Variants in CSN1S1 observed in about 807,000 individuals in gnomAD.
CSN1S1 encodes the protein alpha-S1-casein.
A neutral mutation model predicts 49.1 loss-of-function variants in CSN1S1; 63 were observed. The observed-to-expected ratio is 1.28, with a 90% confidence interval of 1.05 to 1.58. The LOEUF (loss-of-function observed/expected upper bound fraction) is 1.58. Among genes scored for constraint, CSN1S1 ranks in the 40% most tolerant of loss-of-function variants. The pLI is 0.00. For missense variants in CSN1S1, 260 were observed against 224.7 expected (o/e 1.16, Z -1.01); for synonymous variants, 78 against 67.1 (o/e 1.16, Z -0.79).
chr4:69,936,355 A>T (rs1722782851), intron 5 of CSN1S1, 101 bp from the exon 6 acceptor site: 1 of 911,116 alleles, frequency 1.1e-6, no homozygotes, highest in African/African-American at 1.7e-5. Flanking sequence ...TTTATTTTTA[A>T]ATTTGTATCA....
At chr4:69,945,397 T>A (rs1723130038) in intron 15 of CSN1S1, among the ~76,000 whole-genome samples, 8 of 152,036 alleles carry the variant, frequency 5.3e-5, no homozygotes, top group Admixed American at 5.3e-4. Flanking sequence ...GTAGGTAATA[T>A]AGCACATATT....
At chr4:69,939,742 C>T (rs1366723593) in intron 10 of CSN1S1, among the ~76,000 whole-genome samples, 1 of 151,736 alleles carries the variant, frequency 6.6e-6, no homozygotes, top group Non-Finnish European at 1.5e-5. Context: ...AAAACCAACT[C>T]ACTTAAGTGG....
Position 69,935,988 on chromosome 4 carries a change from A to G in CSN1S1, c.129+39A>G, listed in dbSNP as rs369269412. 80 of 1,458,316 alleles carry G rather than the reference A, an allele frequency of 5.5e-5. No individual in the cohort carries two copies. The African/African-American group carries it at 8.7e-4, about 16-fold the overall frequency. The allele number at this position is 1,458,316 out of a possible 1,614,324, so 90.3% of individuals were successfully genotyped here. ...CACAGAATTTACCGTGCAATTAACAAAGAGAAGTAAGTGTTAAGATCAGGA... is the reference window on the plus strand; with the variant it reads ...CACAGAATTTACCGTGCAATTAACAGAGAGAAGTAAGTGTTAAGATCAGGA... On this transcript the variant is annotated intron_variant, in intron 5 of 15. Coordinates refer to ENST00000246891, the MANE Select transcript of CSN1S1 (RefSeq NM_001890.2).
Position 69,939,202 on chromosome 4 carries a change from G to A in CSN1S1, c.270G>A (p.Ser90=), listed in dbSNP as rs1315496477. The A allele has an allele frequency of 5.6e-6, 9 of 1,596,536 alleles. No homozygotes were observed. The highest frequency in any genetic ancestry group is 7.7e-6 in the Non-Finnish European group (9 of 1,167,306). The part of the protein sequence containing the change: ...PEKMESSISS[S]SEEMSLSKCA... The stretch of plus-strand genomic sequence containing the variant: ...AGATGGAATCCAGCATCAGTTCATC[G>A]AGTGAGGTAAATAATTTTGATATTA... The change falls in exon 10 of 16, where the codon TCG becomes TCA. Residue 90 remains serine, a synonymous_variant. Coordinates refer to ENST00000246891, the MANE Select transcript of CSN1S1 (RefSeq NM_001890.2).
At chr4:69,932,457 T>C in intron 1 of CSN1S1, 87 bp from the exon 2 acceptor site, 1 of 1,125,486 alleles carries the variant, frequency 8.9e-7, no homozygotes, top group Non-Finnish European at 1.3e-6. Flanking sequence ...CATAATTTGC[T>C]CCTTTGTTGA....
At chr4:69,939,060 A>G (rs1722893939) in intron 9 of CSN1S1, 116 bp from the exon 10 acceptor site, 2 of 638,168 alleles carry the variant, frequency 3.1e-6, no homozygotes, top group Non-Finnish European at 2.7e-6. Flanking sequence ...TTTCCATACC[A>G]CTTATTCAGT....
At chr4:69,939,519 C>T (rs1395260546) in intron 10 of CSN1S1, among the ~76,000 whole-genome samples, 1 of 151,684 alleles carries the variant, frequency 6.6e-6, no homozygotes, top group African/African-American at 2.4e-5. Flanking sequence ...ATTAAAAATT[C>T]TAACAATTAC....
At chr4:69,937,300 C>T (rs2109718234) in intron 8 of CSN1S1, among the ~76,000 whole-genome samples, 156 bp downstream of exon 8, 1 of 150,560 alleles carries the variant, frequency 6.6e-6, no homozygotes, top group Admixed American at 6.7e-5. Context: ...GCCAGAATAA[C>T]CAAACCAACA....
At position 69,931,136 on chromosome 4, in the gene CSN1S1, GC is replaced by G. The variant is rs1722595164; in HGVS notation, c.-13+20del. The G allele has an allele frequency of 6.6e-6, 1 of 151,980 alleles. No homozygotes were observed. The highest frequency in any genetic ancestry group is 2.1e-4 in the South Asian group (1 of 4,838). The allele number at this position is 151,980 out of a possible 1,614,324, so 9.4% of individuals were successfully genotyped here. On this transcript the variant is annotated intron_variant, in intron 1 of 15. Coordinates refer to ENST00000246891, the MANE Select transcript of CSN1S1 (RefSeq NM_001890.2). ...GCTTAAGGTACTGCGTTTACATACA[GC>G]AAAATTGCTATCATTTTACATTATC... is the stretch of plus-strand genomic sequence containing the variant.
chr4:69,943,023 A>G (rs904611824), intron 14 of CSN1S1, among the ~76,000 whole-genome samples: 40 of 150,928 alleles, frequency 2.7e-4, no homozygotes, highest in Non-Finnish European at 1.9e-4. Flanking sequence ...AGTTCCTCAC[A>G]GTACATCAAA....
chr4:69,936,680 G>GAA, intron 7 of CSN1S1, 73 bp downstream of exon 7: 1 of 1,379,436 alleles, frequency 7.2e-7, no homozygotes. Flanking sequence ...TTTCCTTTAG[G>GAA]AAAAAAAAGC....
At chr4:69,941,599 T>C (rs533905960) in intron 12 of CSN1S1, among the ~76,000 whole-genome samples, 50 of 151,904 alleles carry the variant, frequency 3.3e-4, no homozygotes, top group Non-Finnish European at 6.3e-4. Context: ...AAATTTGACG[T>C]AATGAAGGCT....
Position 69,944,940 on chromosome 4 carries a change from T to C in CSN1S1, c.493T>C (p.Ser165Pro). 1 of 1,612,988 alleles carries C rather than the reference T, an allele frequency of 6.2e-7. No individual in the cohort carries two copies. Among genetic ancestry groups the C allele is most frequent in the Non-Finnish European group, 8.5e-7 (1 of 1,179,314 alleles). Residue 165 changes from serine to proline, a missense_variant, in exon 15 of 16, where the codon TCC becomes CCC. Coordinates refer to ENST00000246891, the MANE Select transcript of CSN1S1 (RefSeq NM_001890.2). Reference protein sequence around the residue: ...IMQYVPFPPFSDISNPTAHEN... With the variant: ...IMQYVPFPPFPDISNPTAHEN... Reference sequence around the variant, plus strand: ...GCAGTATGTTCCTTTCCCACCGTTTTCCGACATCTCCAATCCCACTGCTCA... The same window carrying C: ...GCAGTATGTTCCTTTCCCACCGTTTCCCGACATCTCCAATCCCACTGCTCA...
At chr4:69,945,128 A>T in intron 15 of CSN1S1, 124 bp downstream of exon 15, 2 of 982,632 alleles carry the variant, frequency 2.0e-6, no homozygotes, top group Non-Finnish European at 3.0e-6. Flanking sequence ...ACTGCAAAGG[A>T]CTAATATGTT....
intron 9 of CSN1S1, 102 bp from the exon 10 acceptor site, chr4:69,939,074 A>G (rs536806254): frequency 2.0e-5 from 16 of 792,628 alleles, no homozygotes; most frequent in Admixed American, 1.6e-4. Flanking sequence ...ATTCAGTTAT[A>G]ATGTTACCAT....
At chr4:69,942,912 C>G (rs1046719373) in intron 14 of CSN1S1, among the ~76,000 whole-genome samples, 2 of 150,672 alleles carry the variant, frequency 1.3e-5, no homozygotes, top group African/African-American at 4.9e-5. Flanking sequence ...TGTCTCTTGT[C>G]CATTAATGAT....
At chr4:69,942,499 T>C in intron 13 of CSN1S1, 37 bp from the exon 14 acceptor site, 4 of 1,502,200 alleles carry the variant, frequency 2.7e-6, no homozygotes, top group Non-Finnish European at 3.6e-6. Flanking sequence ...TACCAGAAGA[T>C]GTCTAAGTAA....
intron 9 of CSN1S1, among the ~76,000 whole-genome samples, chr4:69,938,212 T>G (rs978558289): frequency 6.6e-6 from 1 of 151,778 alleles, no homozygotes; most frequent in African/African-American, 2.4e-5. Flanking sequence ...ACTTTTTTAT[T>G]TTAGATACAA....
chr4:69,936,056 C>T (rs993113831), intron 5 of CSN1S1, 107 bp downstream of exon 5: 6 of 862,712 alleles, frequency 7.0e-6, no homozygotes, highest in African/African-American at 5.2e-5. Flanking sequence ...TCAAGGATAA[C>T]AAATTTGAGT....
Sources: gnomAD v4.1 joint callset for allele counts (sites outside exome capture counted in the v4.1 genomes callset) on GRCh38, gnomAD v4.1.1 for gene constraint, MANE v1.5 for transcripts, NCBI Gene and HGNC (gene_info 2026-07-23, HGNC 2026-07-21) for gene names.